The following NPIPB11 variants were observed in gnomAD, a reference collection of about 807,000 sequenced individuals.
NPIPB11 encodes nuclear pore complex-interacting protein family member B11.
Under a neutral mutation model 32.8 loss-of-function variants are expected in NPIPB11, and 17 were observed. The observed-to-expected ratio is 0.52, with a 90% CI of 0.35 to 0.78. The LOEUF is 0.78. Among genes scored for constraint, NPIPB11 ranks in the 30% least tolerant of loss-of-function variants. The probability of loss-of-function intolerance (pLI) is 0.01; values close to 1 mark genes in which losing one functional copy is unlikely to be tolerated. For synonymous variants in NPIPB11, 209 were observed against 398.4 expected (o/e 0.52, Z 5.66); for missense variants, 537 against 1,000.4 (o/e 0.54, Z 6.25).
At position 29,397,722 on chromosome 16, in the gene NPIPB11, G is replaced by A. The variant is rs547523225; in HGVS notation, c.121-3646C>T. The A allele has an allele frequency of 2.6e-4, 103 of 402,632 alleles. 1 individual carries two copies. The highest frequency in any genetic ancestry group is 2.4e-3 in the Admixed American group (57 of 24,166). 24.9% of individuals were successfully genotyped at this position (402,632 alleles called of 1,614,324 possible). On this transcript the variant is annotated intron_variant, in intron 2 of 7. Transcript: ENST00000524087. The stretch of plus-strand genomic sequence containing the variant: ...TAGGGCAGGGGGGAGGGAAGGGGAC[G>A]GGGACCGGGCCCGGATCTGAGTTGG...
At chr16:29,389,030 A>C (rs1963638608) in intron 5 of NPIPB11, among the ~76,000 whole-genome samples, 1 of 150,540 alleles carries the variant, frequency 6.6e-6, no homozygotes, top group South Asian at 2.1e-4. Context: ...CCCCGCCTCT[A>C]CTAAAAATAC....
chr16:29,391,254 A>G (rs1346767369), intron 3 of NPIPB11, among the ~76,000 whole-genome samples: 423 of 126,348 alleles, frequency 3.3e-3, no homozygotes, highest in Non-Finnish European at 5.2e-3. Context: ...TGACAGAGTG[A>G]GACTCCGTCT....
At chr16:29,404,742 G>T (rs1354385497), upstream of NPIPB11, among the ~76,000 whole-genome samples, 1 of 150,230 alleles carries the variant, frequency 6.7e-6, no homozygotes, top group East Asian at 1.9e-4. Context: ...TGGGGTTCAG[G>T]CTGCCGGACA....
At chr16:29,392,098 C>G (rs1963736943) in intron 3 of NPIPB11, among the ~76,000 whole-genome samples, 1 of 151,644 alleles carries the variant, frequency 6.6e-6, no homozygotes, top group Admixed American at 6.6e-5. Flanking sequence ...AAATCATGTA[C>G]TAGGATTTCG....
At chr16:29,394,415 C>A (rs1353310242) in intron 2 of NPIPB11, among the ~76,000 whole-genome samples, 1 of 60,374 alleles carries the variant, frequency 1.7e-5, no homozygotes, top group Non-Finnish European at 2.5e-5. Flanking sequence ...AGCTGATGAT[C>A]TAAAAAAAAA....
chr16:29,394,000 G>T (rs766721007), exon 3 of NPIPB11: 3 of 1,599,466 alleles, frequency 1.9e-6, no homozygotes, highest in South Asian at 1.1e-5. Context: ...TGTCGGAAAC[G>T]CAATAATAAT....
intron 2 of NPIPB11, among the ~76,000 whole-genome samples, chr16:29,401,947 G>T (rs1964001925): frequency 6.6e-6 from 1 of 150,988 alleles, no homozygotes; most frequent in African/African-American, 2.4e-5. Context: ...GTGATACCTA[G>T]CCCATCCTAG....
intron 2 of NPIPB11, among the ~76,000 whole-genome samples, chr16:29,401,466 G>A (rs1229179132): frequency 1.3e-5 from 2 of 152,026 alleles, no homozygotes; most frequent in African/African-American, 4.8e-5. Flanking sequence ...ATTTTGTGCA[G>A]CTCTGGGACA....
intron 2 of NPIPB11, among the ~76,000 whole-genome samples, chr16:29,397,076 C>G (rs1172769726): frequency 1.3e-5 from 2 of 150,404 alleles, no homozygotes; most frequent in Non-Finnish European, 3.0e-5. Flanking sequence ...GAGGCTGAGG[C>G]AGGACAATTG....
intron 2 of NPIPB11, among the ~76,000 whole-genome samples, chr16:29,401,282 C>A (rs934848397): frequency 2.6e-5 from 4 of 152,078 alleles, no homozygotes; most frequent in African/African-American, 4.8e-5. Flanking sequence ...CTCTTGATAT[C>A]CTTCCAGATC....
chr16:29,395,710 T>TG (rs1186349150), intron 2 of NPIPB11, among the ~76,000 whole-genome samples: 2 of 150,956 alleles, frequency 1.3e-5, no homozygotes, highest in African/African-American at 4.9e-5. Flanking sequence ...CCGGGCGTGG[T>TG]GGCTCACGCC....
intron 3 of NPIPB11, among the ~76,000 whole-genome samples, chr16:29,390,950 T>G (rs1963705652): frequency 8.9e-6 from 1 of 112,462 alleles, no homozygotes. Context: ...GCAACAAAAT[T>G]GAAACTGTCT....
intron 2 of NPIPB11, among the ~76,000 whole-genome samples, chr16:29,400,303 C>A (rs1963959956): frequency 6.6e-6 from 1 of 151,316 alleles, no homozygotes; most frequent in African/African-American, 2.4e-5. Flanking sequence ...TTCGTGCAGC[C>A]CAGGAAAGGC....
chr16:29,383,001 A>T (rs778678759), exon 8 of NPIPB11: 2 of 1,605,556 alleles, frequency 1.2e-6, no homozygotes, highest in Admixed American at 3.4e-5. Context: ...GACGCTCGGA[A>T]GGTGTCTTGA....
chr16:29,399,691 CTG>C (rs1280903975), intron 2 of NPIPB11, among the ~76,000 whole-genome samples: 1 of 151,602 alleles, frequency 6.6e-6, no homozygotes, highest in Admixed American at 6.6e-5. Context: ...GAGCGAGACT[CTG>C]TCTCAAAAAC....
intron 3 of NPIPB11, 38 bp downstream of exon 3, chr16:29,393,910 A>G (rs755727475): frequency 1.3e-6 from 2 of 1,484,006 alleles, no homozygotes; most frequent in Non-Finnish European, 1.8e-6. Flanking sequence ...CTTATTTGTG[A>G]TTACAAGTAT....
chr16:29,389,845 C>G (rs1180960589), intron 5 of NPIPB11, 96 bp downstream of exon 5: 18 of 1,566,404 alleles, frequency 1.1e-5, no homozygotes, highest in East Asian at 2.3e-5. Flanking sequence ...GAATTTGCCA[C>G]AAATATTGTA....
At chr16:29,397,544 C>T in intron 2 of NPIPB11, 2 of 1,521,116 alleles carry the variant, frequency 1.3e-6, no homozygotes, top group Non-Finnish European at 1.8e-6. Flanking sequence ...AGGAAGAAAC[C>T]CCGAGGGTCC....
chr16:29,405,729 A>G (rs1964099846), upstream of NPIPB11, among the ~76,000 whole-genome samples: 1 of 152,128 alleles, frequency 6.6e-6, no homozygotes, highest in South Asian at 2.1e-4. Context: ...TTTCTACACA[A>G]CAATGTTCTT....
Sources: allele counts gnomAD v4.1 joint callset (sites outside exome capture counted in the v4.1 genomes callset), GRCh38; gene constraint gnomAD v4.1.1; transcripts MANE v1.5; gene names NCBI Gene and HGNC (gene_info 2026-07-23, HGNC 2026-07-21).